Variants in CALHM5 observed in about 807,000 individuals in gnomAD.
CALHM5 encodes calcium homeostasis modulator protein 5.
A neutral mutation model predicts 20.9 loss-of-function variants in CALHM5; 17 were observed. The ratio of observed to expected loss-of-function variants is 0.82; its 90% CI spans 0.56 to 1.22. The LOEUF (loss-of-function observed/expected upper bound fraction) is 1.22, where lower values mean the gene tolerates loss of function less well. CALHM5 is among the 50% of genes most tolerant of loss of function. The probability of loss-of-function intolerance (pLI) is 0.00; values close to 1 mark genes in which losing one functional copy is unlikely to be tolerated. For synonymous variants in CALHM5, 148 were observed against 140.0 expected (o/e 1.06, Z -0.40); for missense variants, 360 against 364.6 (o/e 0.99, Z 0.10).
In CALHM5 at chr6:116,517,126, T is replaced by C. The variant is rs910886426; in HGVS notation, c.*1137T>C. ...CATTTTTATAAGGCACTAATCCCAT[T>C]CCTGGAGGCTCCACCTTCATGACCC... is the stretch of plus-strand genomic sequence containing the variant. On this transcript the variant is annotated 3_prime_UTR_variant, in exon 2 of 2. Coordinates refer to ENST00000368599, the MANE Select transcript of CALHM5 (RefSeq NM_153711.5). 1 of 152,094 alleles carries C rather than the reference T, an allele frequency of 6.6e-6. No individual in the cohort carries two copies. The highest frequency in any genetic ancestry group is 1.5e-5 in the Non-Finnish European group (1 of 68,040). 9.4% of individuals were successfully genotyped at this position (152,094 alleles called of 1,614,324 possible). A position where few individuals can be genotyped will look rare whatever the true frequency, so the allele number is the denominator to read the frequency against.
rs1272424168 is a variant in CALHM5 at position 116,517,866 on chromosome 6, G to A, written c.*1877G>A. ...GCTGAAGGTTGAGTCGATCACAAAT[G>A]GATAATGATTTAATCAATCATGCCT... On this transcript the variant is annotated 3_prime_UTR_variant, in exon 2 of 2. Transcript: ENST00000368599. 6.6e-6 allele frequency: 1 copy of A among 152,090 alleles called. No individual in the cohort carries two copies. Among genetic ancestry groups the A allele is most frequent in the African/African-American group, 2.4e-5 (1 of 41,412 alleles). The allele number at this position is 152,090 out of a possible 1,614,324, so 9.4% of individuals were successfully genotyped here.
chr6:116,512,004 T>C lies in CALHM5; in HGVS notation c.308T>C (p.Ile103Thr). Residue 103 changes from isoleucine to threonine, a missense_variant, in exon 1 of 2, where the codon ATC (isoleucine) becomes ACC (threonine). Transcript: ENST00000368599. ...CGTTTCTTCTACGTCCTCGGCCAGA[T>C]CACTCTGAGCTCATTGGTGGCTCCA... ...SCRFFYVLGQITLSSLVAPVM... is the reference protein window; with the variant it reads ...SCRFFYVLGQTTLSSLVAPVM... 1 of 1,614,026 alleles carries C rather than the reference T, an allele frequency of 6.2e-7. No individual in the cohort carries two copies. Among genetic ancestry groups the C allele is most frequent in the South Asian group, 1.1e-5 (1 of 91,078 alleles).
intron 1 of CALHM5, among the ~76,000 whole-genome samples, chr6:116,514,111 G>T (rs1044855318): frequency 6.6e-6 from 1 of 152,012 alleles, no homozygotes; most frequent in Non-Finnish European, 1.5e-5. Context: ...ACACTTTTGA[G>T]GGCTGGTATG....
rs1406715219 is a variant in CALHM5, at chr6:116,517,177, T to TA, written c.*1189dup. On this transcript the variant is annotated 3_prime_UTR_variant, in exon 2 of 2. Transcript: ENST00000368599. ...AATTACTTCTCAAGGCTCTGCTTCT[T>TA]AGTACTATCAGCTTGGGGGTTAAGA... The TA allele has an allele frequency of 6.6e-6, 1 of 152,166 alleles. No individual in the cohort carries two copies. The highest frequency in any genetic ancestry group is 1.5e-5 in the Non-Finnish European group (1 of 68,058). 9.4% of individuals were successfully genotyped at this position (152,166 alleles called of 1,614,324 possible).
Position 116,519,582 on chromosome 6 carries a change from G to A in CALHM5, c.*3593G>A, listed in dbSNP as rs1772293105. 6.6e-6 allele frequency: 1 copy of A among 152,194 alleles called. No individual in the cohort carries two copies. Among genetic ancestry groups the A allele is most frequent in the Non-Finnish European group, 1.5e-5 (1 of 68,030 alleles). The allele number at this position is 152,194 out of a possible 1,614,324, so 9.4% of individuals were successfully genotyped here. ...AGTCTCTTCTAGGTCTAGACTTGAA[G>A]CATATGGAAGGGTCCTTGGGCTAGA... On this transcript the variant is annotated 3_prime_UTR_variant, in exon 2 of 2. Coordinates refer to ENST00000368599, the MANE Select transcript of CALHM5 (RefSeq NM_153711.5).
At position 116,516,465 on chromosome 6, in the gene CALHM5, C is replaced by A. The variant is rs1156395129; in HGVS notation, c.*476C>A. 1.3e-5 allele frequency: 2 copies of A among 151,984 alleles called. No individual in the cohort carries two copies. Among genetic ancestry groups the A allele is most frequent in the African/African-American group, 4.8e-5 (2 of 41,264 alleles). The allele number at this position is 151,984 out of a possible 1,614,324, so 9.4% of individuals were successfully genotyped here. A position where few individuals can be genotyped will look rare whatever the true frequency, so the allele number is the denominator to read the frequency against. On this transcript the variant is annotated 3_prime_UTR_variant, in exon 2 of 2. Coordinates refer to ENST00000368599, the MANE Select transcript of CALHM5 (RefSeq NM_153711.5). ...ATGTATGAAATTGTGGAATTCATTC[C>A]CTCAGGATCTGAAGATCTCAGTTCT...
At position 116,512,221 on chromosome 6, in the gene CALHM5, T is replaced by C. The variant is rs1315961844; in HGVS notation, c.525T>C (p.Leu175=). 1 of 1,597,150 alleles carries C rather than the reference T, an allele frequency of 6.3e-7. No homozygotes were observed. The highest frequency in any genetic ancestry group is 8.5e-7 in the Non-Finnish European group (1 of 1,175,508). ...TCAATGAAGAACTGAAACTCTCCCT[T>C]CAGGCCCAGTCTCAGGTAAGAAAAG... is the stretch of plus-strand genomic sequence containing the variant. The part of the protein sequence containing the change: ...PTVNEELKLS[L]QAQSQILGWC... The change falls in exon 1 of 2, where the codon CTT becomes CTC. Residue 175 remains leucine, a synonymous_variant. Coordinates refer to ENST00000368599, the MANE Select transcript of CALHM5 (RefSeq NM_153711.5).
Position 116,517,544 on chromosome 6 carries a change from A to G in CALHM5, c.*1555A>G, listed in dbSNP as rs1772252373. On this transcript the variant is annotated 3_prime_UTR_variant, in exon 2 of 2. Transcript: ENST00000368599. Reference sequence around the variant, plus strand: ...GAAAGCTGAATATTAACTTCTTATTAACATGAAACATGATGGCAAACTGAA... The same window carrying G: ...GAAAGCTGAATATTAACTTCTTATTGACATGAAACATGATGGCAAACTGAA... The G allele has an allele frequency of 6.6e-6, 1 of 152,178 alleles. No individual in the cohort carries two copies. The highest frequency in any genetic ancestry group is 2.4e-5 in the African/African-American group (1 of 41,442). 9.4% of individuals were successfully genotyped at this position (152,178 alleles called of 1,614,324 possible). A position where few individuals can be genotyped will look rare whatever the true frequency, so the allele number is the denominator to read the frequency against.
In CALHM5 at chr6:116,512,141, T is replaced by C; in HGVS notation, c.445T>C (p.Cys149Arg). Residue 149 changes from cysteine to arginine, a missense_variant, in exon 1 of 2, where the codon TGC becomes CGC. By Grantham distance (180) the Cys-to-Arg change is radical. Transcript: ENST00000368599. ...GATTTGCAAGGGTAAGCCCAAAGAG[T>C]GCTGGGAAGAACTTCACAAAGTATC... is the stretch of plus-strand genomic sequence containing the variant. ...ELICKGKPKECWEELHKVSCG... is the reference protein window; with the variant it reads ...ELICKGKPKERWEELHKVSCG... 1.2e-6 allele frequency: 2 copies of C among 1,613,554 alleles called. No individual in the cohort carries two copies. Among genetic ancestry groups the C allele is most frequent in the Non-Finnish European group, 1.7e-6 (2 of 1,179,928 alleles).
At position 116,511,905 on chromosome 6, in the gene CALHM5, A is replaced by G. The variant is rs755186432; in HGVS notation, c.209A>G (p.Asn70Ser). ...TTACTGATCCTGGGATTCTTTCTGA[A>G]CAATAGGTCGTGGAGACTCTTCACA... ...WVLLILGFFL[N>S]NRSWRLFTGC... Residue 70 changes from asparagine to serine, a missense_variant, in exon 1 of 2, where the codon AAC (asparagine) becomes AGC (serine). By Grantham distance (46) the Asn-to-Ser change is conservative (BLOSUM62 1). Coordinates refer to ENST00000368599, the MANE Select transcript of CALHM5 (RefSeq NM_153711.5). The G allele has an allele frequency of 6.2e-7, 1 of 1,613,974 alleles. No individual in the cohort carries two copies. The highest frequency in any genetic ancestry group is 1.7e-5 in the Admixed American group (1 of 59,976).
In CALHM5 at chr6:116,522,659, A is replaced by G. The variant is rs1232208326; in HGVS notation, c.*6670A>G. 2 of 152,122 alleles carry G rather than the reference A, an allele frequency of 1.3e-5. No individual in the cohort carries two copies. Among genetic ancestry groups the G allele is most frequent in the Non-Finnish European group, 2.9e-5 (2 of 68,024 alleles). The allele number at this position is 152,122 out of a possible 1,614,324, so 9.4% of individuals were successfully genotyped here. A position where few individuals can be genotyped will look rare whatever the true frequency, so the allele number is the denominator to read the frequency against. ...GGAATACAAACATATTATTGGGAGG[A>G]GTAACACATTAAACTATTATTTGTC... On this transcript the variant is annotated 3_prime_UTR_variant, in exon 2 of 2. Transcript: ENST00000368599.
intron 1 of CALHM5, among the ~76,000 whole-genome samples, chr6:116,513,902 TGTGACCTAGAACTA>T (rs1249735881): frequency 6.6e-6 from 1 of 152,220 alleles, no homozygotes; most frequent in Non-Finnish European, 1.5e-5. Flanking sequence ...TCACCAGCTA[TGTGACCTAGAACTA>T]GTGGTTCGAC....
intron 1 of CALHM5, among the ~76,000 whole-genome samples, chr6:116,515,327 G>A (rs564780107): frequency 1.1e-3 from 163 of 152,220 alleles, no homozygotes; most frequent in African/African-American, 3.8e-3. Context: ...TCTATACTTT[G>A]TACTCTTTTC....
chr6:116,512,904 A>G (rs1391798846), intron 1 of CALHM5, among the ~76,000 whole-genome samples: 1 of 152,166 alleles, frequency 6.6e-6, no homozygotes, highest in Admixed American at 6.5e-5. Flanking sequence ...AGGGGTTCTT[A>G]ATTACTTCAG....
rs1772136027 is a variant in CALHM5, at chr6:116,512,189, C to T, written c.493C>T (p.Pro165Ser). Reference sequence around the variant, plus strand: ...ATCTTGTGGCAAAACTAGCATGCTACCTACCGTCAATGAAGAACTGAAACT... The same window carrying T: ...ATCTTGTGGCAAAACTAGCATGCTATCTACCGTCAATGAAGAACTGAAACT... ...KVSCGKTSML[P>S]TVNEELKLSL... Residue 165 changes from proline (P) to serine (S), a missense_variant, in exon 1 of 2, where the codon CCT (proline) becomes TCT (serine). Physicochemically the swap from Pro to Ser is moderately conservative, Grantham distance 74 (BLOSUM62 -1). Transcript: ENST00000368599. 1.2e-6 allele frequency: 2 copies of T among 1,609,038 alleles called. No individual in the cohort carries two copies. The highest frequency in any genetic ancestry group is 1.7e-6 in the Non-Finnish European group (2 of 1,179,790).
rs370249653 is a variant in CALHM5, at chr6:116,511,710, A to G, written c.14A>G (p.Gln5Arg). ...TGCATCTCCAACATGGATGCTTTTC[A>G]GGGCATTTTAAAATTCTTCCTTAAT... Reference protein sequence around the residue: MDAFQGILKFFLNQK... With the variant: MDAFRGILKFFLNQK... The change falls in exon 1 of 2, where the codon CAG becomes CGG. Residue 5 changes from glutamine to arginine, a missense_variant. Transcript: ENST00000368599. 2.0e-5 allele frequency: 33 copies of G among 1,613,456 alleles called. No homozygotes were observed. Among genetic ancestry groups the G allele is most frequent in the Non-Finnish European group, 2.7e-5 (32 of 1,179,814 alleles).
Position 116,517,999 on chromosome 6 carries a change from C to T in CALHM5, c.*2010C>T, listed in dbSNP as rs1474492805. Reference sequence around the variant, plus strand: ...CAAAGGGGCCGTGGAAGCTCCGTGCCCCTTCCCCCAAACCTGTTCCTGTGC... The same window carrying T: ...CAAAGGGGCCGTGGAAGCTCCGTGCTCCTTCCCCCAAACCTGTTCCTGTGC... On this transcript the variant is annotated 3_prime_UTR_variant, in exon 2 of 2. Coordinates refer to ENST00000368599, the MANE Select transcript of CALHM5 (RefSeq NM_153711.5). 14 of 152,310 alleles carry T rather than the reference C, an allele frequency of 9.2e-5. No individual in the cohort carries two copies. Among genetic ancestry groups the T allele is most frequent in the Non-Finnish European group, 2.9e-5 (2 of 68,162 alleles). The allele number at this position is 152,310 out of a possible 1,614,324, so 9.4% of individuals were successfully genotyped here.
Position 116,524,087 on chromosome 6 carries a change from A to C in CALHM5, c.*8098A>C, listed in dbSNP as rs916873114. On this transcript the variant is annotated 3_prime_UTR_variant, in exon 2 of 2. Coordinates refer to ENST00000368599, the MANE Select transcript of CALHM5 (RefSeq NM_153711.5). The stretch of plus-strand genomic sequence containing the variant: ...ATGGTGTGCCGATTTATGTTTTTTA[A>C]AAAGTTCTTCAGTTAGAGATGTATA... 15 of 152,316 alleles carry C rather than the reference A, an allele frequency of 9.8e-5. No individual in the cohort carries two copies. The highest frequency in any genetic ancestry group is 3.6e-4 in the African/African-American group (15 of 41,576). The allele number at this position is 152,316 out of a possible 1,614,324, so 9.4% of individuals were successfully genotyped here.
rs760710890 is a variant in CALHM5, at chr6:116,511,680, C to T, written c.-17C>T. Reference sequence around the variant, plus strand: ...CAATAACAAAGGCACAGCATTTTCCCTCTGTGCATCTCCAACATGGATGCT... The same window carrying T: ...CAATAACAAAGGCACAGCATTTTCCTTCTGTGCATCTCCAACATGGATGCT... On this transcript the variant is annotated 5_prime_UTR_variant, in exon 1 of 2. Transcript: ENST00000368599. 1.2e-6 allele frequency: 2 copies of T among 1,607,848 alleles called. No homozygotes were observed. The highest frequency in any genetic ancestry group is 1.3e-5 in the African/African-American group (1 of 74,566).
Sources: allele counts gnomAD v4.1 joint callset (sites outside exome capture counted in the v4.1 genomes callset), GRCh38; gene constraint gnomAD v4.1.1; transcripts MANE v1.5; gene names NCBI Gene and HGNC (gene_info 2026-07-23, HGNC 2026-07-21).